Variants in MCM9 observed in about 807,000 individuals in gnomAD.
MCM9 encodes minichromosome maintenance 9 homologous recombination repair factor, also known as DNA helicase MCM9.
A neutral mutation model predicts 72.8 loss-of-function variants in MCM9; 55 were observed. The ratio of observed to expected loss-of-function variants is 0.76; its 90% confidence interval spans 0.61 to 0.95. The LOEUF (loss-of-function observed/expected upper bound fraction) is 0.95. Ranked by LOEUF, MCM9 falls within the 40% of genes least tolerant of loss-of-function variation. The pLI is 0.00. For synonymous variants in MCM9, 480 were observed against 503.4 expected (o/e 0.95, Z 0.62); for missense variants, 1,279 against 1,377.0 (o/e 0.93, Z 1.13).
intron 8 of MCM9, among the ~76,000 whole-genome samples, chr6:118,906,599 C>T (rs888741006): frequency 6.6e-6 from 1 of 152,144 alleles, no homozygotes; most frequent in Non-Finnish European, 1.5e-5. Flanking sequence ...AACACCTATA[C>T]GCTTTATCTG....
chr6:118,866,667 G>A (rs565852001), intron 8 of MCM9, among the ~76,000 whole-genome samples: 52 of 152,196 alleles, frequency 3.4e-4, no homozygotes, highest in African/African-American at 1.2e-3. Context: ...AAAAGTGAAG[G>A]TAGCTCAAGC....
chr6:118,851,861 TA>T (rs1373659667), intron 9 of MCM9, among the ~76,000 whole-genome samples: 16 of 152,152 alleles, frequency 1.1e-4, no homozygotes, highest in Admixed American at 9.2e-4. Context: ...TGCGGTGGTC[TA>T]AAAAAGCAGC....
chr6:118,923,876 G>A lies in MCM9; in HGVS notation c.556C>T (p.Leu186Phe). The A allele has an allele frequency of 3.1e-6, 5 of 1,614,180 alleles. No homozygotes were observed. The South Asian group carries it at 3.3e-5, about 11-fold the overall frequency. The change falls in exon 4 of 14, where the codon CTC becomes TTC. Residue 186 changes from leucine to phenylalanine, a missense_variant. Transcript: ENST00000619706. ...ESCDSSKFTC[L>F]SGLSSSPTRC... ...GTTGGAGACGAAGACAAGCCTGAGA[G>A]GCAAGTGAATTTAGAGGAATCACAG... is the stretch of plus-strand genomic sequence containing the variant.
At chr6:118,899,896 GTC>G (rs1421386573) in intron 8 of MCM9, among the ~76,000 whole-genome samples, 4 of 152,190 alleles carry the variant, frequency 2.6e-5, no homozygotes, top group Non-Finnish European at 4.4e-5. Context: ...AGATGAAGAG[GTC>G]TCTCAGAGAT....
rs149966955 is a variant in MCM9 at position 118,876,458 on chromosome 6, G to C, written c.1151-19913C>G. On this transcript the variant is annotated intron_variant, in intron 8 of 13. Coordinates refer to ENST00000619706, the MANE Select transcript of MCM9 (RefSeq NM_017696.3). ...ACCACTCTGAAACTAGCTGACACTA[G>C]AGAAGGTTGTATGCATGGCAGGGAG... Among the ~76,000 whole-genome samples, 173 of 152,318 alleles carry C rather than the reference G, an allele frequency of 1.1e-3. 1 individual carries two copies. Among genetic ancestry groups the C allele is most frequent in the Non-Finnish European group, 2.1e-3 (140 of 68,024 alleles).
chr6:118,840,456 G>A (rs1380242779), intron 9 of MCM9, among the ~76,000 whole-genome samples: 4 of 152,134 alleles, frequency 2.6e-5, no homozygotes, highest in Non-Finnish European at 5.9e-5. Flanking sequence ...GCAAGCTCCA[G>A]TTCCTTTGGC....
chr6:118,907,300 C>T, intron 8 of MCM9: 1 of 761,420 alleles, frequency 1.3e-6, no homozygotes, highest in Non-Finnish European at 2.2e-6. Context: ...GAACTTAGCC[C>T]TTTAGGAGTA....
At chr6:118,819,367 A>G (rs1773635733) in intron 13 of MCM9, among the ~76,000 whole-genome samples, 1 of 152,182 alleles carries the variant, frequency 6.6e-6, no homozygotes, top group Non-Finnish European at 1.5e-5. Flanking sequence ...TTCTGCATCT[A>G]TTGAGATAAT....
intron 8 of MCM9, among the ~76,000 whole-genome samples, chr6:118,857,929 G>C (rs1466344572): frequency 2.0e-5 from 3 of 152,078 alleles, no homozygotes; most frequent in African/African-American, 7.2e-5. Context: ...CCAAATATTT[G>C]AGAAATAATG....
chr6:118,859,228 T>C (rs930734259), intron 8 of MCM9, among the ~76,000 whole-genome samples: 1 of 152,098 alleles, frequency 6.6e-6, no homozygotes. Flanking sequence ...AAAAAATGAA[T>C]CTTGATCATA....
chr6:118,915,102 G>C (rs964791502), intron 6 of MCM9, among the ~76,000 whole-genome samples: 1 of 152,158 alleles, frequency 6.6e-6, no homozygotes, highest in African/African-American at 2.4e-5. Context: ...TCACACTGTG[G>C]TCAACACAAA....
chr6:118,856,215 CTAA>C (rs1776543958), intron 9 of MCM9, among the ~76,000 whole-genome samples, 153 bp downstream of exon 9: 1 of 152,118 alleles, frequency 6.6e-6, no homozygotes, highest in Non-Finnish European at 1.5e-5. Flanking sequence ...CTTCTGTGGT[CTAA>C]TAAGGAAAAA....
Position 118,815,329 on chromosome 6 carries a change from G to C in MCM9, c.2927C>G (p.Ser976Cys). 6.4e-7 allele frequency: 1 copy of C among 1,550,506 alleles called. No homozygotes were observed. Reference protein sequence around the residue: ...LPVKRPGKLTSTPGNQISSQP... With the variant: ...LPVKRPGKLTCTPGNQISSQP... ...ACTGGAGATCTGGTTTCCTGGGGTA[G>C]ATGTTAACTTTCCTGGACGCTTCAC... Residue 976 changes from serine (S) to cysteine (C), a missense_variant, in exon 14 of 14, where the codon TCT becomes TGT. Transcript: ENST00000619706.
chr6:118,867,873 C>CT (rs1258074666), intron 8 of MCM9, among the ~76,000 whole-genome samples: 2 of 66,788 alleles, frequency 3.0e-5, no homozygotes, highest in Non-Finnish European at 7.6e-5. Context: ...TTTCTTTTTT[C>CT]TTTTTCTTTT....
intron 8 of MCM9, chr6:118,907,482 A>G: frequency 6.2e-7 from 1 of 1,613,568 alleles, no homozygotes; most frequent in African/African-American, 1.3e-5. Flanking sequence ...AAAAACTGGA[A>G]GATGCAGAGA....
chr6:118,813,651 G>A lies in MCM9; in HGVS notation c.*1173C>T, dbSNP rs1773243086. The A allele has an allele frequency of 6.6e-6, 1 of 152,164 alleles. No individual in the cohort carries two copies. Among genetic ancestry groups the A allele is most frequent in the South Asian group, 2.1e-4 (1 of 4,832 alleles). 9.4% of individuals were successfully genotyped at this position (152,164 alleles called of 1,614,324 possible). ...AATCAGTTTACAAATTCACACTTCA[G>A]AAGAGAAAGTCCATAATTACTGAAT... On this transcript the variant is annotated 3_prime_UTR_variant, in exon 14 of 14. Coordinates refer to ENST00000619706, the MANE Select transcript of MCM9 (RefSeq NM_017696.3).
Position 118,814,658 on chromosome 6 carries a change from G to C in MCM9, c.*166C>G. The C allele has an allele frequency of 1.7e-6, 1 of 592,450 alleles. No individual in the cohort carries two copies. The highest frequency in any genetic ancestry group is 2.7e-6 in the Non-Finnish European group (1 of 368,894). 36.7% of individuals were successfully genotyped at this position (592,450 alleles called of 1,614,324 possible). A position where few individuals can be genotyped will look rare whatever the true frequency, so the allele number is the denominator to read the frequency against. On this transcript the variant is annotated 3_prime_UTR_variant, in exon 14 of 14. Transcript: ENST00000619706. ...CTCAACTGATTATACAACTTTTTAA[G>C]TCATGAAGATTAACCTGAAATTAGA...
At position 118,907,241 on chromosome 6, in the gene MCM9, CT is replaced by C. The variant is rs1638801310; in HGVS notation, c.1150+4408del. Among the ~76,000 whole-genome samples the C allele has an allele frequency of 3.9e-5, 6 of 152,256 alleles. No individual in the cohort carries two copies. In the South Asian group the frequency reaches 1.2e-3, roughly 32 times the overall value. ...TTTGCTACAGCCCTAGTCGTTACATCTTATTAGTTATATTTAAGGTACTTAA... is the reference window on the plus strand; with the variant it reads ...TTTGCTACAGCCCTAGTCGTTACATCTATTAGTTATATTTAAGGTACTTAA... On this transcript the variant is annotated intron_variant, in intron 8 of 13. Transcript: ENST00000619706.
chr6:118,913,192 A>G, intron 7 of MCM9, 103 bp downstream of exon 7: 1 of 1,330,938 alleles, frequency 7.5e-7, no homozygotes, highest in South Asian at 1.3e-5. Context: ...TAAGATTACA[A>G]TTGGAAAATA....
Sources: allele counts gnomAD v4.1 joint callset (sites outside exome capture counted in the v4.1 genomes callset), GRCh38; gene constraint gnomAD v4.1.1; transcripts MANE v1.5; gene names NCBI Gene and HGNC (gene_info 2026-07-23, HGNC 2026-07-21).